HFM1: variants seen among roughly 807,000 people sequenced by gnomAD.
HFM1 encodes probable ATP-dependent DNA helicase HFM1.
A neutral mutation model predicts 192.1 loss-of-function variants in HFM1; 169 were observed. That is an observed-to-expected ratio of 0.88 (90% confidence interval 0.78 to 1.00). The LOEUF (loss-of-function observed/expected upper bound fraction) is 1.00, where lower values mean the gene tolerates loss of function less well. Among genes scored for constraint, HFM1 ranks in the 50% least tolerant of loss-of-function variants. The pLI, the probability that HFM1 is intolerant of heterozygous loss-of-function variation, is 0.00. For missense variants in HFM1, 1,661 were observed against 1,668.0 expected, an observed-to-expected ratio of 1.00 and a Z score of 0.07; for synonymous variants, 525 against 537.8, an observed-to-expected ratio of 0.98 and a Z score of 0.33.
chr1:91,328,597 C>T (rs879055280), intron 20 of HFM1: 10 of 1,604,508 alleles, frequency 6.2e-6, no homozygotes, highest in African/African-American at 5.3e-5. Context: ...CCGCACTATT[C>T]GCGTGATGGA....
chr1:91,298,340 T>C (rs1486557297), intron 30 of HFM1, among the ~76,000 whole-genome samples: 3 of 152,110 alleles, frequency 2.0e-5, no homozygotes, highest in Non-Finnish European at 4.4e-5. Context: ...ACAGGGAGAA[T>C]GGAACCAAGT....
intron 6 of HFM1, 66 bp from the exon 7 acceptor site, chr1:91,381,048 C>G (rs531383818): frequency 1.3e-6 from 1 of 743,916 alleles, no homozygotes; most frequent in East Asian, 2.6e-5. Flanking sequence ...TATTTTAAAA[C>G]TAAGTTACAT....
chr1:91,340,568 A>G (rs1655189638), intron 20 of HFM1, among the ~76,000 whole-genome samples: 1 of 151,684 alleles, frequency 6.6e-6, no homozygotes, highest in African/African-American at 2.4e-5. Flanking sequence ...ACAAGTCTAC[A>G]TAACAACACA....
chr1:91,390,873 A>T (rs1447997523), intron 4 of HFM1, among the ~76,000 whole-genome samples: 1 of 152,192 alleles, frequency 6.6e-6, no homozygotes, highest in Non-Finnish European at 1.5e-5. Context: ...CCCAGCCCAA[A>T]ATCTCCTTAA....
intron 30 of HFM1, among the ~76,000 whole-genome samples, chr1:91,302,629 T>C (rs962602002): frequency 2.6e-5 from 4 of 152,128 alleles, no homozygotes; most frequent in Non-Finnish European, 5.9e-5. Context: ...TCATGTCCTT[T>C]GTAGGGACAT....
chr1:91,353,476 T>C (rs746415778), intron 13 of HFM1, among the ~76,000 whole-genome samples, 177 bp from the exon 14 acceptor site: 2 of 151,720 alleles, frequency 1.3e-5, no homozygotes, highest in Non-Finnish European at 3.0e-5. Context: ...CCTAAACTTA[T>C]GAGCTACAAT....
chr1:91,329,240 G>A, intron 20 of HFM1: 1 of 1,609,734 alleles, frequency 6.2e-7, no homozygotes, highest in Non-Finnish European at 8.5e-7. Context: ...AACCTGAGGT[G>A]CTGGGCCCAG....
intron 4 of HFM1, among the ~76,000 whole-genome samples, chr1:91,389,820 C>A (rs957113657): frequency 1.3e-5 from 2 of 152,126 alleles, no homozygotes; most frequent in African/African-American, 4.8e-5. Context: ...CAGAAAATAA[C>A]AAGTACTGGA....
chr1:91,324,061 C>T (rs1652526633), intron 21 of HFM1, among the ~76,000 whole-genome samples: 1 of 152,178 alleles, frequency 6.6e-6, no homozygotes, highest in African/African-American at 2.4e-5. Context: ...AGGACCAATG[C>T]AGTCGCCATA....
intron 30 of HFM1, among the ~76,000 whole-genome samples, chr1:91,307,693 A>G (rs1028794475): frequency 1.3e-5 from 2 of 152,100 alleles, no homozygotes; most frequent in Non-Finnish European, 2.9e-5. Context: ...GGCTCAAGCG[A>G]TCTGCCCATC....
chr1:91,338,681 G>A (rs1557873208), intron 20 of HFM1, among the ~76,000 whole-genome samples: 1 of 152,130 alleles, frequency 6.6e-6, no homozygotes, highest in African/African-American at 2.4e-5. Context: ...TGCACATGGT[G>A]CACGGACCTT....
At chr1:91,267,666 A>C in intron 35 of HFM1, 79 bp downstream of exon 35, 1 of 672,682 alleles carries the variant, frequency 1.5e-6, no homozygotes, top group South Asian at 2.1e-5. Flanking sequence ...AAAGGCAAAG[A>C]AACTTAGTTC....
chr1:91,404,059 G>C (rs928425318), intron 1 of HFM1, among the ~76,000 whole-genome samples: 14 of 152,238 alleles, frequency 9.2e-5, no homozygotes, highest in Non-Finnish European at 1.5e-4. Flanking sequence ...CAACATTTAC[G>C]GGAATAACCG....
Position 91,267,772 on chromosome 1 carries a change from T to C in HFM1, c.3856A>G (p.Thr1286Ala), listed in dbSNP as rs538274561. ...GATATTTTTGTCTTCTCAGTATCAG[T>C]TGAAAAGCTAGTAACTTCTAAGTTT... ...DENLEVTSFS[T>A]DTEKTKISGF... The change falls in exon 35 of 39, where the codon ACT becomes GCT. Residue 1286 changes from threonine (T) to alanine (A), a missense_variant. Transcript: ENST00000370425. The C allele has an allele frequency of 3.2e-6, 5 of 1,551,506 alleles. No homozygotes were observed. Among genetic ancestry groups the C allele is most frequent in the Non-Finnish European group, 4.4e-6 (5 of 1,143,500 alleles).
chr1:91,345,743 T>C (rs1339832132), intron 19 of HFM1, among the ~76,000 whole-genome samples: 1 of 152,172 alleles, frequency 6.6e-6, no homozygotes, highest in Non-Finnish European at 1.5e-5. Context: ...TCTAAAAGTC[T>C]AAGACCCTCA....
chr1:91,385,815 T>G lies in HFM1; in HGVS notation c.514A>C (p.Asn172His). ...FRKRLFKISD[N>H]IHGSAYSNDN... ...TTAGAATAAGCACTCCCATGTATAT[T>G]GTCAGATATTTTAAATAATCTGCAA... The change falls in exon 5 of 39, where the codon AAT becomes CAT. Residue 172 changes from asparagine (N) to histidine (H), a missense_variant. Coordinates refer to ENST00000370425, the MANE Select transcript of HFM1 (RefSeq NM_001017975.6). 6.3e-7 allele frequency: 1 copy of G among 1,599,176 alleles called. No individual in the cohort carries two copies.
At chr1:91,264,518 GC>G (rs1272831819) in intron 36 of HFM1, among the ~76,000 whole-genome samples, 2 of 148,174 alleles carry the variant, frequency 1.3e-5, no homozygotes, top group East Asian at 3.9e-4. Context: ...GACTACAGGC[GC>G]CCGCCATCAC....
At chr1:91,407,525 CT>C (rs1287336308), upstream of HFM1, among the ~76,000 whole-genome samples, 9 of 152,238 alleles carry the variant, frequency 5.9e-5, no homozygotes, top group East Asian at 1.7e-3. Context: ...GGATTATTCA[CT>C]TAGCATAATG....
At chr1:91,286,202 C>T (rs1193527709) in intron 30 of HFM1, among the ~76,000 whole-genome samples, 1 of 152,192 alleles carries the variant, frequency 6.6e-6, no homozygotes, top group African/African-American at 2.4e-5. Flanking sequence ...CAAGAGTAAT[C>T]TTTATCTTGA....
Sources: gnomAD v4.1 joint callset for allele counts (sites outside exome capture counted in the v4.1 genomes callset) on GRCh38, gnomAD v4.1.1 for gene constraint, MANE v1.5 for transcripts, NCBI Gene and HGNC (gene_info 2026-07-23, HGNC 2026-07-21) for gene names.